Variants in SAV1 observed in about 807,000 individuals in gnomAD.
SAV1 encodes the protein salvador family WW domain containing protein 1, also known as protein salvador homolog 1.
In SAV1, 23 loss-of-function variants were observed where a neutral mutation model predicts 47.3. The observed-to-expected ratio is 0.49, with a 90% CI of 0.35 to 0.69. The LOEUF is 0.69. Ranked by LOEUF, SAV1 falls within the 30% of genes least tolerant of loss-of-function variation. The pLI is 0.01. For missense variants in SAV1, 448 were observed against 457.4 expected, an observed-to-expected ratio of 0.98 and a Z score of 0.19; for synonymous variants, 155 against 159.2, an observed-to-expected ratio of 0.97 and a Z score of 0.20.
chr14:50,645,055 T>C, intron 2 of SAV1, 41 bp from the exon 3 acceptor site: 1 of 1,554,890 alleles, frequency 6.4e-7, no homozygotes, highest in Non-Finnish European at 8.7e-7. Context: ...AACAGAACAA[T>C]TATTCAATGC....
At chr14:50,651,729 C>T (rs1464050012) in intron 2 of SAV1, among the ~76,000 whole-genome samples, 1 of 152,124 alleles carries the variant, frequency 6.6e-6, no homozygotes, top group African/African-American at 2.4e-5. Context: ...TGGGCTCAAG[C>T]AATCCTCCCA....
chr14:50,639,920 C>T (rs1476000805), intron 4 of SAV1, among the ~76,000 whole-genome samples: 3 of 152,158 alleles, frequency 2.0e-5, no homozygotes, highest in African/African-American at 7.2e-5. Context: ...CAGGTGGTAT[C>T]AAGGGACAAA....
chr14:50,634,934 T>C lies in SAV1; in HGVS notation c.*249A>G. On this transcript the variant is annotated 3_prime_UTR_variant, in exon 5 of 5. Transcript: ENST00000324679. ...GACATTTCCGCTGCGTTTTTTTCCA[T>C]CAAGAATACCAAAACAGTTTCCTAA... 2.6e-6 allele frequency: 1 copy of C among 384,512 alleles called. No individual in the cohort carries two copies. Among genetic ancestry groups the C allele is most frequent in the South Asian group, 3.8e-5 (1 of 26,116 alleles). 23.8% of individuals were successfully genotyped at this position (384,512 alleles called of 1,614,324 possible). A position where few individuals can be genotyped will look rare whatever the true frequency, so the allele number is the denominator to read the frequency against.
At chr14:50,663,234 TGAA>T (rs1334204341) in intron 2 of SAV1, 1 of 152,214 alleles carries the variant, frequency 6.6e-6, no homozygotes, top group African/African-American at 2.4e-5. Context: ...TGGAAAAAGA[TGAA>T]GAAAATAACA....
intron 2 of SAV1, among the ~76,000 whole-genome samples, chr14:50,659,746 T>G (rs1030563900): frequency 2.0e-5 from 3 of 152,192 alleles, no homozygotes; most frequent in Admixed American, 6.5e-5. Context: ...CTCAGGAGGC[T>G]GAGGTGGGAG....
chr14:50,638,099 C>T (rs1449993950), intron 4 of SAV1: 1 of 152,146 alleles, frequency 6.6e-6, no homozygotes, highest in African/African-American at 2.4e-5. Flanking sequence ...AAGAAGGGCA[C>T]AGATGTGAAA....
intron 2 of SAV1, among the ~76,000 whole-genome samples, chr14:50,647,443 C>T (rs2039731564): frequency 6.6e-6 from 1 of 152,092 alleles, no homozygotes; most frequent in Admixed American, 6.6e-5. Flanking sequence ...TGTAGTTCAA[C>T]CTACTCAGGA....
rs762373334 is a variant in SAV1 at position 50,645,035 on chromosome 14, A to T, written c.536-21T>A. 3.5e-5 allele frequency: 56 copies of T among 1,590,656 alleles called. No individual in the cohort carries two copies. The South Asian group carries it at 5.9e-4, about 17-fold the overall frequency. On this transcript the variant is annotated intron_variant, in intron 2 of 4. Transcript: ENST00000324679. ...AATACCTACGGGGAAAGAGAAAATG[A>T]TAGAGAAGAAACAGAACAATTATTC... is the stretch of plus-strand genomic sequence containing the variant.
At chr14:50,640,099 T>G (rs1350177660) in intron 4 of SAV1, among the ~76,000 whole-genome samples, 3 of 152,130 alleles carry the variant, frequency 2.0e-5, no homozygotes, top group African/African-American at 7.2e-5. Context: ...TCCTCCCACC[T>G]TAGCCTCCCA....
chr14:50,658,315 TAA>T (rs1566746511), intron 2 of SAV1, among the ~76,000 whole-genome samples: 1 of 152,192 alleles, frequency 6.6e-6, no homozygotes, highest in Non-Finnish European at 1.5e-5. Context: ...GAGACAGAAC[TAA>T]AATTTAAGCG....
rs871643 is a variant in SAV1, at chr14:50,640,734, T to C, written c.950+16A>G. 0.72 allele frequency: 1,159,593 copies of C among 1,600,588 alleles called. 421,891 individuals are homozygous for C. The highest frequency in any genetic ancestry group is 0.82 in the African/African-American group (60,890 of 74,606). The stretch of plus-strand genomic sequence containing the variant: ...CACTCACTCCTCAAACAAATTTGTG[T>C]TGTAAATGTACTTACTTCACAGGGG... On this transcript the variant is annotated intron_variant, in intron 4 of 4. Transcript: ENST00000324679.
intron 2 of SAV1, among the ~76,000 whole-genome samples, chr14:50,659,175 G>C (rs1446573205): frequency 6.8e-6 from 1 of 146,096 alleles, no homozygotes; most frequent in Non-Finnish European, 1.5e-5. Context: ...TGATATAAAA[G>C]AGCCTGGGAT....
intron 2 of SAV1, among the ~76,000 whole-genome samples, chr14:50,656,888 C>T (rs2039817258): frequency 6.6e-6 from 1 of 152,054 alleles, no homozygotes; most frequent in South Asian, 2.1e-4. Context: ...CAAAACAGAT[C>T]CAGAAGATTA....
intron 3 of SAV1, 116 bp from the exon 4 acceptor site, chr14:50,641,009 T>G (rs1183812942): frequency 5.6e-6 from 5 of 889,834 alleles, no homozygotes; most frequent in Non-Finnish European, 8.3e-6. Flanking sequence ...CAAACTGACT[T>G]ACACCACCTG....
chr14:50,651,196 T>G (rs2039766775), intron 2 of SAV1, among the ~76,000 whole-genome samples: 1 of 152,200 alleles, frequency 6.6e-6, no homozygotes, highest in Non-Finnish European at 1.5e-5. Context: ...AATAAATGTT[T>G]ATTGTTTTAT....
chr14:50,644,843 A>C lies in SAV1; in HGVS notation c.707T>G (p.Leu236Arg). The C allele has an allele frequency of 1.2e-6, 2 of 1,614,160 alleles. No homozygotes were observed. The highest frequency in any genetic ancestry group is 1.7e-6 in the Non-Finnish European group (2 of 1,180,020). Reference protein sequence around the residue: ...HWSHPLEREGLPPGWERVESS... With the variant: ...HWSHPLEREGRPPGWERVESS... The stretch of plus-strand genomic sequence containing the variant: ...CTCAACTCGTTCCCATCCAGGAGGA[A>C]GTCCTTCTCGCTCAAGAGGATGGCT... The change falls in exon 3 of 5, where the codon CTT (leucine) becomes CGT (arginine). Residue 236 changes from leucine (L) to arginine (R), a missense_variant. Coordinates refer to ENST00000324679, the MANE Select transcript of SAV1 (RefSeq NM_021818.4).
At chr14:50,651,874 C>A (rs1351899179) in intron 2 of SAV1, among the ~76,000 whole-genome samples, 2 of 152,168 alleles carry the variant, frequency 1.3e-5, no homozygotes. Flanking sequence ...TCAAGCATTC[C>A]TCCCATCACA....
At chr14:50,653,344 G>T (rs143557536) in intron 2 of SAV1, among the ~76,000 whole-genome samples, 2 of 152,144 alleles carry the variant, frequency 1.3e-5, no homozygotes, top group Non-Finnish European at 2.9e-5. Flanking sequence ...CAAAGGAAAA[G>T]ATCTAGCATT....
Position 50,643,180 on chromosome 14 carries a change from T to A in SAV1, c.806+1564A>T, listed in dbSNP as rs543925841. On this transcript the variant is annotated intron_variant, in intron 3 of 4. Coordinates refer to ENST00000324679, the MANE Select transcript of SAV1 (RefSeq NM_021818.4). ...TACCAAGTTGCTGAGAGAAGTAAAT[T>A]AACTAATTATGAAATTGCTTTTAAA... is the stretch of plus-strand genomic sequence containing the variant. Among the ~76,000 whole-genome samples, 4 of 148,810 alleles carry A rather than the reference T, an allele frequency of 2.7e-5. No homozygotes were observed. In the East Asian group the frequency reaches 7.7e-4, roughly 29 times the overall value.
Sources: gnomAD v4.1 joint callset for allele counts (sites outside exome capture counted in the v4.1 genomes callset) on GRCh38, gnomAD v4.1.1 for gene constraint, MANE v1.5 for transcripts, NCBI Gene and HGNC (gene_info 2026-07-23, HGNC 2026-07-21) for gene names.